Variants in SKAP1 observed in about 807,000 individuals in gnomAD.
SKAP1 encodes the protein src kinase associated phosphoprotein 1.
Under a neutral mutation model 58.5 loss-of-function variants are expected in SKAP1, and 44 were observed. The observed-to-expected ratio is 0.75, with a 90% confidence interval of 0.59 to 0.97. The LOEUF (loss-of-function observed/expected upper bound fraction) is 0.97, where lower values mean the gene tolerates loss of function less well. Among genes scored for constraint, SKAP1 ranks in the 50% least tolerant of loss-of-function variants. The pLI is 0.00. For synonymous variants in SKAP1, 127 were observed against 149.7 expected, an observed-to-expected ratio of 0.85 and a Z score of 1.11; for missense variants, 390 against 435.2, an observed-to-expected ratio of 0.90 and a Z score of 0.92.
chr17:48,134,463 G>A (rs954875244), intron 12 of SKAP1, among the ~76,000 whole-genome samples: 9 of 151,664 alleles, frequency 5.9e-5, no homozygotes, highest in East Asian at 5.9e-4. Flanking sequence ...GGTTACAGGC[G>A]CCCGCCACCA....
intron 10 of SKAP1, among the ~76,000 whole-genome samples, chr17:48,168,880 G>A (rs968039501): frequency 3.3e-5 from 5 of 152,066 alleles, no homozygotes; most frequent in South Asian, 2.1e-4. Flanking sequence ...TTTCTATAGC[G>A]CCTTTGGAGA....
intron 4 of SKAP1, among the ~76,000 whole-genome samples, chr17:48,218,445 TAATC>T (rs1030414617): frequency 1.3e-5 from 2 of 152,192 alleles, no homozygotes; most frequent in African/African-American, 4.8e-5. Flanking sequence ...CCTCATCACT[TAATC>T]AATTCTAAGA....
rs376278484 is a variant in SKAP1, at chr17:48,405,392, C to CCTTTCTTTCTTT, written c.47-8619_47-8608dup. 2.0e-3 allele frequency among the ~76,000 whole-genome samples: 218 copies of CCTTTCTTTCTTT among 107,358 alleles called. 19 individuals are homozygous for CCTTTCTTTCTTT. The highest frequency in any genetic ancestry group is 3.4e-3 in the East Asian group (14 of 4,152). The allele number at this position is 107,358 out of a possible 152,430, so 70.4% of individuals were successfully genotyped here. ...GGGTGCATTTTCTTTTTTTCTCTTT[C>CCTTTCTTTCTTT]CTTTCTTTCTTTCTTTCTTTCTTTC... is the stretch of plus-strand genomic sequence containing the variant. On this transcript the variant is annotated intron_variant, in intron 1 of 12. Coordinates refer to ENST00000336915, the MANE Select transcript of SKAP1 (RefSeq NM_003726.4).
chr17:48,176,713 T>A (rs189722013), intron 9 of SKAP1, among the ~76,000 whole-genome samples: 107 of 152,060 alleles, frequency 7.0e-4, no homozygotes, highest in African/African-American at 2.5e-3. Context: ...GGGAGAAGAG[T>A]GCTAGCCACA....
intron 4 of SKAP1, among the ~76,000 whole-genome samples, chr17:48,334,579 C>T (rs2066544280): frequency 1.3e-5 from 2 of 151,400 alleles, no homozygotes; most frequent in South Asian, 2.1e-4. Flanking sequence ...GAAAGCACGG[C>T]CTTTACATTA....
intron 2 of SKAP1, among the ~76,000 whole-genome samples, chr17:48,373,265 G>A (rs2067109504): frequency 6.6e-6 from 1 of 152,154 alleles, no homozygotes; most frequent in South Asian, 2.1e-4. Context: ...GAAGTGGGAA[G>A]CACTAGACAC....
rs922684548 is a variant in SKAP1 at position 48,242,133 on chromosome 17, G to A, written c.281-52633C>T. Among the ~76,000 whole-genome samples the A allele has an allele frequency of 2.0e-5, 3 of 152,172 alleles. No homozygotes were observed. In the East Asian group the frequency reaches 5.8e-4, roughly 29 times the overall value. On this transcript the variant is annotated intron_variant, in intron 4 of 12. Transcript: ENST00000336915. Reference sequence around the variant, plus strand: ...CTTCTCCTGGAAGCTTTACCTGGGGGAAGGGATAAAGCAATATCACTAACC... The same window carrying A: ...CTTCTCCTGGAAGCTTTACCTGGGGAAAGGGATAAAGCAATATCACTAACC...
At chr17:48,347,060 C>T (rs1300695707) in intron 3 of SKAP1, among the ~76,000 whole-genome samples, 3 of 152,102 alleles carry the variant, frequency 2.0e-5, no homozygotes, top group African/African-American at 7.2e-5. Context: ...GTAGAAGTGA[C>T]TGATGTTATT....
At chr17:48,392,862 AAT>A (rs60586781) in intron 2 of SKAP1, among the ~76,000 whole-genome samples, 24,613 of 147,170 alleles carry the variant, frequency 0.17, 2,137 homozygotes, top group Non-Finnish European at 0.19. Context: ...TCTCAAAAAA[AAT>A]ATATATATAT....
At chr17:48,284,241 G>T (rs957945378) in intron 4 of SKAP1, among the ~76,000 whole-genome samples, 8 of 152,086 alleles carry the variant, frequency 5.3e-5, no homozygotes, top group Non-Finnish European at 7.4e-5. Context: ...TAAAAAGTAG[G>T]TCACGAATAG....
intron 5 of SKAP1, 88 bp from the exon 6 acceptor site, chr17:48,188,014 G>A: frequency 1.1e-6 from 1 of 943,084 alleles, no homozygotes; most frequent in Non-Finnish European, 1.7e-6. Context: ...AGTCCAGTGT[G>A]TTATTGTTTT....
chr17:48,186,325 A>C (rs547729734), intron 6 of SKAP1, among the ~76,000 whole-genome samples: 1 of 152,060 alleles, frequency 6.6e-6, no homozygotes, highest in South Asian at 2.1e-4. Flanking sequence ...TTGCCCCTAG[A>C]TGCGAAATGT....
intron 1 of SKAP1, among the ~76,000 whole-genome samples, chr17:48,408,530 A>C (rs1216386268): frequency 6.6e-6 from 1 of 152,182 alleles, no homozygotes; most frequent in Non-Finnish European, 1.5e-5. Context: ...GTTAGTAGAG[A>C]GACAAAAGTC....
intron 4 of SKAP1, among the ~76,000 whole-genome samples, chr17:48,218,597 C>G (rs1031441223): frequency 6.6e-6 from 1 of 152,190 alleles, no homozygotes; most frequent in Non-Finnish European, 1.5e-5. Context: ...CAACGAAGAG[C>G]TTGTGTGCTA....
At chr17:48,341,520 G>A (rs1230196182) in intron 4 of SKAP1, among the ~76,000 whole-genome samples, 3 of 152,044 alleles carry the variant, frequency 2.0e-5, no homozygotes, top group Admixed American at 1.3e-4. Flanking sequence ...TGTAAAAAAA[G>A]GGTTCTTTTT....
rs555284175 is a variant in SKAP1 at position 48,203,469 on chromosome 17, A to G, written c.281-13969T>C. On this transcript the variant is annotated intron_variant, in intron 4 of 12. Coordinates refer to ENST00000336915, the MANE Select transcript of SKAP1 (RefSeq NM_003726.4). ...TAAAATGTATTTCTGACAAAAGCAG[A>G]ATAGCTCTTCCGAGCAGCCTTTCTC... 3.1e-4 allele frequency among the ~76,000 whole-genome samples: 47 copies of G among 152,358 alleles called. 1 individual carries two copies. In the South Asian group the frequency reaches 9.7e-3, roughly 32 times the overall value.
At chr17:48,283,930 T>G (rs990232005) in intron 4 of SKAP1, among the ~76,000 whole-genome samples, 1 of 152,216 alleles carries the variant, frequency 6.6e-6, no homozygotes, top group Non-Finnish European at 1.5e-5. Context: ...ACACCATGAT[T>G]ACTCAGTTTA....
chr17:48,253,064 T>C (rs905979665), intron 4 of SKAP1, among the ~76,000 whole-genome samples: 7 of 152,172 alleles, frequency 4.6e-5, no homozygotes, highest in Non-Finnish European at 1.0e-4. Flanking sequence ...CTCTGGTCAC[T>C]CTTCACTTAA....
chr17:48,280,082 G>T (rs906064742), intron 4 of SKAP1, among the ~76,000 whole-genome samples: 1 of 152,164 alleles, frequency 6.6e-6, no homozygotes, highest in Non-Finnish European at 1.5e-5. Context: ...TAATAAGCTT[G>T]TTTATGGAAA....
Sources: gnomAD v4.1 joint callset for allele counts (sites outside exome capture counted in the v4.1 genomes callset) on GRCh38, gnomAD v4.1.1 for gene constraint, MANE v1.5 for transcripts, NCBI Gene and HGNC (gene_info 2026-07-23, HGNC 2026-07-21) for gene names.